HOGA1: variants seen among roughly 807,000 people sequenced by gnomAD.
HOGA1 encodes the protein 4-hydroxy-2-oxoglutarate aldolase 1.
HOGA1 carries 30 observed loss-of-function variants against 34.3 expected under a neutral mutation model. The ratio of observed to expected loss-of-function variants is 0.87; its 90% CI spans 0.65 to 1.19. HOGA1 has a LOEUF of 1.19. Among genes scored for constraint, HOGA1 ranks in the 50% most tolerant of loss-of-function variants. The pLI, the probability that HOGA1 is intolerant of heterozygous loss-of-function variation, is 0.00. For missense variants in HOGA1, 417 were observed against 436.5 expected (o/e 0.96, Z 0.40); for synonymous variants, 161 against 174.0 (o/e 0.93, Z 0.59).
At chr10:97,598,217 G>A (rs2041085862) in intron 1 of HOGA1, among the ~76,000 whole-genome samples, 1 of 152,140 alleles carries the variant, frequency 6.6e-6, no homozygotes. Context: ...TGAACTCCTG[G>A]GCTCAAGCGA....
chr10:97,599,940 G>A (rs2041103315), intron 4 of HOGA1, 126 bp downstream of exon 4: 3 of 1,525,930 alleles, frequency 2.0e-6, no homozygotes, highest in Non-Finnish European at 2.7e-6. Flanking sequence ...TCTCTGTCGT[G>A]CGGGCTCTCT....
chr10:97,601,825 C>T (rs1239340539), intron 5 of HOGA1, 32 bp from the exon 6 acceptor site: 7 of 1,611,724 alleles, frequency 4.3e-6, no homozygotes, highest in Non-Finnish European at 5.9e-6. Flanking sequence ...GGGAGAGGCT[C>T]TGGCTGATGT....
intron 1 of HOGA1, among the ~76,000 whole-genome samples, chr10:97,588,016 T>C (rs2040984085): frequency 6.6e-6 from 1 of 150,810 alleles, no homozygotes; most frequent in African/African-American, 2.4e-5. Context: ...TTTGCCGTGT[T>C]GCCCAGGCTG....
intron 5 of HOGA1, chr10:97,600,629 G>A (rs898059085): frequency 4.7e-6 from 1 of 214,440 alleles, no homozygotes; most frequent in Non-Finnish European, 9.5e-6. Context: ...TCCAATCCAG[G>A]ATCCCTAGGA....
At chr10:97,598,686 A>C in intron 1 of HOGA1, 89 bp from the exon 2 acceptor site, 1 of 1,506,366 alleles carries the variant, frequency 6.6e-7, no homozygotes, top group South Asian at 1.1e-5. Flanking sequence ...GAAATGTGTG[A>C]AAGATTATGG....
At chr10:97,602,174 C>A (rs1195682962) in intron 6 of HOGA1, 184 bp downstream of exon 6, 1 of 1,547,902 alleles carries the variant, frequency 6.5e-7, no homozygotes, top group South Asian at 1.2e-5. Flanking sequence ...CGGACAAAGT[C>A]GAGCACCACT....
chr10:97,601,499 G>T (rs1337062413), intron 5 of HOGA1, among the ~76,000 whole-genome samples: 1 of 152,190 alleles, frequency 6.6e-6, no homozygotes, highest in Non-Finnish European at 1.5e-5. Context: ...TTACAGGACT[G>T]ATGAGTCAGG....
At chr10:97,599,288 T>C in intron 3 of HOGA1, 72 bp downstream of exon 3, 1 of 1,578,738 alleles carries the variant, frequency 6.3e-7, no homozygotes, top group Non-Finnish European at 8.7e-7. Context: ...GGGAATAGGG[T>C]GGTGCTTCAC....
intron 5 of HOGA1, 97 bp downstream of exon 5, chr10:97,600,260 T>C: frequency 1.9e-6 from 2 of 1,043,010 alleles, no homozygotes; most frequent in Non-Finnish European, 3.0e-6. Context: ...GGGCTGGGTC[T>C]GCAGATGGTA....
At chr10:97,598,979 T>C (rs2041094037) in intron 2 of HOGA1, 76 bp downstream of exon 2, 1 of 1,608,610 alleles carries the variant, frequency 6.2e-7, no homozygotes, top group African/African-American at 1.3e-5. Context: ...GCTTGGGTCC[T>C]GTCTCCTTGT....
At position 97,612,428 on chromosome 10, in the gene HOGA1, A is replaced by C. The variant is rs530955481; in HGVS notation, c.*769A>C. 6.6e-6 allele frequency: 1 copy of C among 152,388 alleles called. No individual in the cohort carries two copies. Among genetic ancestry groups the C allele is most frequent in the East Asian group, 1.9e-4 (1 of 5,184 alleles). The allele number at this position is 152,388 out of a possible 1,614,324, so 9.4% of individuals were successfully genotyped here. On this transcript the variant is annotated 3_prime_UTR_variant, in exon 7 of 7. Coordinates refer to ENST00000370646, the MANE Select transcript of HOGA1 (RefSeq NM_138413.4). ...CTCCTTCCAGGGAAGTATCAGCTTA[A>C]GAAACTTGATCAGGAAAGTGACACT...
chr10:97,596,020 T>A lies in HOGA1; in HGVS notation c.212-2755T>A, dbSNP rs141413912. ...TTAAAACAGTCCTATAAGCTAGGAT[T>A]GAAATGATTTCACTGTCATCCCATA... On this transcript the variant is annotated intron_variant, in intron 1 of 6. Transcript: ENST00000370646. 3.3e-5 allele frequency among the ~76,000 whole-genome samples: 5 copies of A among 152,344 alleles called. No individual in the cohort carries two copies. In the East Asian group the frequency reaches 9.6e-4, roughly 29 times the overall value.
At position 97,600,170 on chromosome 10, in the gene HOGA1, C is replaced by G; in HGVS notation, c.700+7C>G. 6.2e-7 allele frequency: 1 copy of G among 1,610,748 alleles called. No individual in the cohort carries two copies. The highest frequency in any genetic ancestry group is 8.5e-7 in the Non-Finnish European group (1 of 1,177,006). On this transcript the variant is annotated splice_region_variant and intron_variant, in intron 5 of 6. Coordinates refer to ENST00000370646, the MANE Select transcript of HOGA1 (RefSeq NM_138413.4). ...ATGGCCAGCTATGCCTTGGGTAGGC[C>G]GCCCACTGCTCTCAAATTGTCATGG...
At chr10:97,595,278 C>T (rs1176174565) in intron 1 of HOGA1, among the ~76,000 whole-genome samples, 1 of 152,186 alleles carries the variant, frequency 6.6e-6, no homozygotes, top group African/African-American at 2.4e-5. Flanking sequence ...TCAACACCAG[C>T]CACCCTCCTG....
chr10:97,590,406 C>T, intron 1 of HOGA1: 1 of 1,614,082 alleles, frequency 6.2e-7, no homozygotes, highest in Non-Finnish European at 8.5e-7. Context: ...GAGCTGAGGG[C>T]CCTCGAGGAG....
chr10:97,596,890 G>A (rs2041076001), intron 1 of HOGA1, among the ~76,000 whole-genome samples: 1 of 152,152 alleles, frequency 6.6e-6, no homozygotes, highest in African/African-American at 2.4e-5. Flanking sequence ...CTTGGTCCCA[G>A]TGCCAGGAAA....
At chr10:97,595,419 G>T (rs2041060993) in intron 1 of HOGA1, among the ~76,000 whole-genome samples, 1 of 152,238 alleles carries the variant, frequency 6.6e-6, no homozygotes, top group African/African-American at 2.4e-5. Flanking sequence ...GAGAGGCTGG[G>T]TGTGATGGCT....
intron 1 of HOGA1, chr10:97,589,848 C>A: frequency 7.0e-7 from 1 of 1,437,280 alleles, no homozygotes; most frequent in Non-Finnish European, 9.7e-7. Context: ...CAGCAGCCAT[C>A]ATGCAAGGTG....
In HOGA1 at chr10:97,611,743, A is replaced by G; in HGVS notation, c.*84A>G. 6.7e-7 allele frequency: 1 copy of G among 1,502,422 alleles called. No homozygotes were observed. The highest frequency in any genetic ancestry group is 2.4e-5 in the East Asian group (1 of 41,586). The allele number at this position is 1,502,422 out of a possible 1,614,324, so 93.1% of individuals were successfully genotyped here. A position where few individuals can be genotyped will look rare whatever the true frequency, so the allele number is the denominator to read the frequency against. On this transcript the variant is annotated 3_prime_UTR_variant, in exon 7 of 7. Coordinates refer to ENST00000370646, the MANE Select transcript of HOGA1 (RefSeq NM_138413.4). ...AGCCTGAAGCGGAGAGCACAGGGGGATGAGGGTGGCAGGCAGCGGGGAGCC... is the reference window on the plus strand; with the variant it reads ...AGCCTGAAGCGGAGAGCACAGGGGGGTGAGGGTGGCAGGCAGCGGGGAGCC...
Sources: allele counts gnomAD v4.1 joint callset (sites outside exome capture counted in the v4.1 genomes callset), GRCh38; gene constraint gnomAD v4.1.1; transcripts MANE v1.5; gene names NCBI Gene and HGNC (gene_info 2026-07-23, HGNC 2026-07-21).